Variants in NOD2 observed in about 807,000 individuals in gnomAD.
NOD2 encodes nucleotide-binding oligomerization domain-containing protein 2.
Under a neutral mutation model 90.9 loss-of-function variants are expected in NOD2, and 86 were observed. The observed-to-expected ratio is 0.95, with a 90% CI of 0.79 to 1.13. NOD2 has a LOEUF of 1.13. NOD2 is among the 50% of genes most tolerant of loss of function. NOD2 has a pLI of 0.00. For missense variants in NOD2, 1,238 were observed against 1,283.8 expected, an observed-to-expected ratio of 0.96 and a Z score of 0.55; for synonymous variants, 581 against 554.6, an observed-to-expected ratio of 1.05 and a Z score of -0.67.
chr16:50,697,575 T>C (rs1263049873), intron 1 of NOD2: 4 of 551,170 alleles, frequency 7.3e-6, no homozygotes, highest in East Asian at 3.2e-5. Context: ...TATTCTACCC[T>C]TTTTTGTCCT....
At chr16:50,723,148 A>G (rs1458185614) in intron 8 of NOD2, among the ~76,000 whole-genome samples, 153 bp from the exon 9 acceptor site, 5 of 151,358 alleles carry the variant, frequency 3.3e-5, no homozygotes, top group South Asian at 2.1e-4. Flanking sequence ...AGAAAAAAAA[A>G]AAAAAAGAAA....
At chr16:50,726,482 C>T (rs969220753) in intron 10 of NOD2, among the ~76,000 whole-genome samples, 1 of 152,204 alleles carries the variant, frequency 6.6e-6, no homozygotes, top group African/African-American at 2.4e-5. Flanking sequence ...TTGGAGAAAA[C>T]ACTTCCACTA....
At position 50,710,994 on chromosome 16, in the gene NOD2, AG is replaced by A. The variant is rs766265864; in HGVS notation, c.1003del (p.Asp335ThrfsTer15). ...HCCWPDVGQE[D>X]IFQLLLDHPD... ...GCTGTTGGCCTGATGTTGGTCAAGAAGACATCTTCCAGTTACTCCTTGACCA... is the reference window on the plus strand; with the variant it reads ...GCTGTTGGCCTGATGTTGGTCAAGAAACATCTTCCAGTTACTCCTTGACCA... On this transcript the variant is annotated frameshift_variant, in exon 4 of 12. Coordinates refer to ENST00000647318, the MANE Select transcript of NOD2 (RefSeq NM_001370466.1). LOFTEE classifies it high-confidence loss of function. 9.3e-6 allele frequency: 15 copies of A among 1,614,204 alleles called. No individual in the cohort carries two copies. The highest frequency in any genetic ancestry group is 1.3e-5 in the Non-Finnish European group (15 of 1,180,032).
chr16:50,716,553 T>C, intron 4 of NOD2, 34 bp from the exon 5 acceptor site: 2 of 1,585,328 alleles, frequency 1.3e-6, no homozygotes, highest in Non-Finnish European at 1.7e-6. Flanking sequence ...TCTTACTAGC[T>C]CCATTTTCAA....
Position 50,709,612 on chromosome 16 carries a change from C to T in NOD2, c.566-946C>T, listed in dbSNP as rs144708671. On this transcript the variant is annotated intron_variant, in intron 3 of 11. Transcript: ENST00000647318. ...GGAGGCAGGATCACAGACTCTTGTT[C>T]GAGTGCTCAGCTGGGGCACCCCGGT... is the stretch of plus-strand genomic sequence containing the variant. 2.1e-3 allele frequency among the ~76,000 whole-genome samples: 314 copies of T among 152,304 alleles called. 2 individuals carry two copies. Among genetic ancestry groups the T allele is most frequent in the African/African-American group, 7.2e-3 (299 of 41,566 alleles).
intron 9 of NOD2, among the ~76,000 whole-genome samples, chr16:50,724,931 A>G (rs535349675): frequency 6.6e-6 from 1 of 152,282 alleles, no homozygotes; most frequent in Admixed American, 6.5e-5. Context: ...CATCATTCTT[A>G]GCCTGTGACT....
Position 50,724,639 on chromosome 16 carries a change from G to A in NOD2, c.2802-850G>A, listed in dbSNP as rs527566007. Among the ~76,000 whole-genome samples the A allele has an allele frequency of 2.0e-5, 3 of 152,298 alleles. No homozygotes were observed. In the South Asian group the frequency reaches 6.2e-4, roughly 32 times the overall value. On this transcript the variant is annotated intron_variant, in intron 9 of 11. Transcript: ENST00000647318. ...GTAGACTGTGACTGACTGAAGCCTG[G>A]CTGCTGTGATTGGCTAAGACTTAGC... is the stretch of plus-strand genomic sequence containing the variant.
chr16:50,718,094 C>T (rs978199408), intron 6 of NOD2, among the ~76,000 whole-genome samples: 1 of 152,266 alleles, frequency 6.6e-6, no homozygotes, highest in East Asian at 1.9e-4. Context: ...TGTGGACTCT[C>T]TCCATCTCCC....
chr16:50,706,295 G>C (rs1326876641), intron 2 of NOD2, among the ~76,000 whole-genome samples: 1 of 152,144 alleles, frequency 6.6e-6, no homozygotes, highest in African/African-American at 2.4e-5. Flanking sequence ...GTCTGTTTTG[G>C]GCCCTGAAGG....
rs528926956 is a variant in NOD2 at position 50,711,077 on chromosome 16, C to T, written c.1085C>T (p.Thr362Met). 53 of 1,614,234 alleles carry T rather than the reference C, an allele frequency of 3.3e-5. No homozygotes were observed. Among genetic ancestry groups the T allele is most frequent in the East Asian group, 4.5e-5 (2 of 44,882 alleles). The change falls in exon 4 of 12, where the codon ACG becomes ATG. Residue 362 changes from threonine (T) to methionine (M), a missense_variant. Physicochemically the swap from Thr to Met is moderately conservative, Grantham distance 81. Around this residue, in one of 3 missense-constraint regions of NOD2, gnomAD observed 567 missense variants for 577.3 expected, o/e 0.98. Coordinates refer to ENST00000647318, the MANE Select transcript of NOD2 (RefSeq NM_001370466.1). ...TTTGACGAGTTCAAGTTCAGGTTCA[C>T]GGATCGTGAACGCCACTGCTCCCCG... ...DGFDEFKFRF[T>M]DRERHCSPTD... is the part of the protein sequence containing the mutation.
intron 11 of NOD2, among the ~76,000 whole-genome samples, chr16:50,731,528 C>T (rs999414338): frequency 6.6e-6 from 1 of 152,136 alleles, no homozygotes; most frequent in African/African-American, 2.4e-5. Context: ...GTGTTGTGGA[C>T]TCTCTCTGCA....
At position 50,712,227 on chromosome 16, in the gene NOD2, C is replaced by T; in HGVS notation, c.2235C>T (p.Cys745=). Residue 745 remains cysteine, a synonymous_variant, in exon 4 of 12, where the codon TGC becomes TGT. Transcript: ENST00000647318. ...LNVGHLKLTF[C]SVGPTECAAL... is the part of the protein sequence containing the mutation. ...TTGGGCACCTCAAGTTGACATTTTG[C>T]AGTGTGGGCCCCACTGAGTGTGCTG... 6.2e-7 allele frequency: 1 copy of T among 1,613,868 alleles called. No homozygotes were observed. The highest frequency in any genetic ancestry group is 8.5e-7 in the Non-Finnish European group (1 of 1,180,046).
rs1028427345 is a variant in NOD2, at chr16:50,723,393, G to T, written c.2801+9G>T. On this transcript the variant is annotated intron_variant, in intron 9 of 11. Coordinates refer to ENST00000647318, the MANE Select transcript of NOD2 (RefSeq NM_001370466.1). ...ATGCTAGAAGAACTCTGGTGAGTTT[G>T]GGGGATTCTCTGCTCTGGGGAAGTG... The T allele has an allele frequency of 6.8e-6, 11 of 1,612,868 alleles. No homozygotes were observed. The highest frequency in any genetic ancestry group is 9.3e-6 in the Non-Finnish European group (11 of 1,179,106).
At chr16:50,694,604 G>C (rs1321427551) in intron 1 of NOD2, among the ~76,000 whole-genome samples, 1 of 152,220 alleles carries the variant, frequency 6.6e-6, no homozygotes, top group Non-Finnish European at 1.5e-5. Context: ...GCTTATTACT[G>C]ATGAGGTGGC....
rs1332696253 is a variant in NOD2, at chr16:50,699,891, G to C, written c.396G>C (p.Arg132=). 6.2e-7 allele frequency: 1 copy of C among 1,612,672 alleles called. No individual in the cohort carries two copies. The highest frequency in any genetic ancestry group is 1.3e-5 in the African/African-American group (1 of 74,908). ...ACATGCTGGACCTGGCATGGGAGCG[G>C]GGTTTCGTCAGCCAGTATGAATGTG... ...VENMLDLAWE[R]GFVSQYECDE... is the part of the protein sequence containing the mutation. Residue 132 remains arginine, a synonymous_variant, in exon 2 of 12, where the codon CGG becomes CGC. Transcript: ENST00000647318.
intron 2 of NOD2, among the ~76,000 whole-genome samples, chr16:50,705,902 C>G (rs1272617887): frequency 1.3e-5 from 2 of 152,180 alleles, no homozygotes; most frequent in Non-Finnish European, 2.9e-5. Flanking sequence ...AATACACACA[C>G]TCCAGTCAGG....
At position 50,732,066 on chromosome 16, in the gene NOD2, G is replaced by C. The variant is rs1379765076; in HGVS notation, c.*247G>C. The C allele has an allele frequency of 5.8e-6, 3 of 521,490 alleles. No individual in the cohort carries two copies. The highest frequency in any genetic ancestry group is 1.1e-5 in the Non-Finnish European group (3 of 283,560). The allele number at this position is 521,490 out of a possible 1,614,324, so 32.3% of individuals were successfully genotyped here. A position where few individuals can be genotyped will look rare whatever the true frequency, so the allele number is the denominator to read the frequency against. On this transcript the variant is annotated 3_prime_UTR_variant, in exon 12 of 12. Coordinates refer to ENST00000647318, the MANE Select transcript of NOD2 (RefSeq NM_001370466.1). ...GACTTCTTCCCAAGATTCAATCCCA[G>C]GATGTACAAGGACAGCCCCTCCTCC...
chr16:50,710,659 G>A lies in NOD2; in HGVS notation c.667G>A (p.Asp223Asn), dbSNP rs1964422521. The stretch of plus-strand genomic sequence containing the variant: ...TGGAGCAGAGACGCTCTGCCTGGAG[G>A]ACATATACACAGAGAATGTCCTGGA... Reference protein sequence around the residue: ...YDGAETLCLEDIYTENVLEVW... With the variant: ...YDGAETLCLENIYTENVLEVW... The change falls in exon 4 of 12, where the codon GAC becomes AAC. Residue 223 changes from aspartate to asparagine, a missense_variant. By Grantham distance (23) the Asp-to-Asn change is conservative (BLOSUM62 1). Coordinates refer to ENST00000647318, the MANE Select transcript of NOD2 (RefSeq NM_001370466.1). The A allele has an allele frequency of 2.5e-6, 4 of 1,614,094 alleles. No homozygotes were observed. The African/African-American group carries it at 4.0e-5, about 16-fold the overall frequency.
Position 50,731,836 on chromosome 16 carries a change from T to G in NOD2, c.*17T>G. The G allele has an allele frequency of 6.2e-7, 1 of 1,603,424 alleles. No individual in the cohort carries two copies. Among genetic ancestry groups the G allele is most frequent in the South Asian group, 1.1e-5 (1 of 90,856 alleles). On this transcript the variant is annotated 3_prime_UTR_variant, in exon 12 of 12. Coordinates refer to ENST00000647318, the MANE Select transcript of NOD2 (RefSeq NM_001370466.1). Reference sequence around the variant, plus strand: ...TTGCTTTGAAGTCTCCGGGAGGATGTTCGTCTCAGTTTGTTTGTGAGCAGG... The same window carrying G: ...TTGCTTTGAAGTCTCCGGGAGGATGGTCGTCTCAGTTTGTTTGTGAGCAGG...
Sources: gnomAD v4.1 joint callset for allele counts (sites outside exome capture counted in the v4.1 genomes callset) on GRCh38, gnomAD v4.1.1 for gene constraint, gnomAD v4.1.1 regional missense constraint, MANE v1.5 for transcripts, NCBI Gene and HGNC (gene_info 2026-07-23, HGNC 2026-07-21) for gene names.